THSD7A: variants seen among roughly 807,000 people sequenced by gnomAD.
THSD7A encodes the protein thrombospondin type 1 domain containing 7A.
A neutral mutation model predicts 231.3 loss-of-function variants in THSD7A; 96 were observed. The observed-to-expected ratio is 0.41, with a 90% CI of 0.35 to 0.49. The LOEUF (loss-of-function observed/expected upper bound fraction) is 0.49, where lower values mean the gene tolerates loss of function less well. THSD7A is among the 20% of genes least tolerant of loss of function. The pLI, the probability that THSD7A is intolerant of heterozygous loss-of-function variation, is 0.05. For missense variants in THSD7A, 2,290 were observed against 2,070.2 expected (o/e 1.11, Z -2.06); for synonymous variants, 940 against 743.3 (o/e 1.26, Z -4.30).
intron 14 of THSD7A, among the ~76,000 whole-genome samples, chr7:11,428,680 C>G (rs896555184): frequency 2.6e-5 from 4 of 152,082 alleles, no homozygotes; most frequent in Non-Finnish European, 5.9e-5. Context: ...AATACCTTGA[C>G]ATTATTTCAA....
intron 13 of THSD7A, among the ~76,000 whole-genome samples, chr7:11,435,902 G>A (rs1784619092): frequency 6.6e-6 from 1 of 151,774 alleles, no homozygotes; most frequent in African/African-American, 2.4e-5. Context: ...TGGAGTACTG[G>A]GCCCTTAACC....
chr7:11,759,790 C>G (rs992794998), intron 1 of THSD7A, among the ~76,000 whole-genome samples: 1 of 151,984 alleles, frequency 6.6e-6, no homozygotes, highest in Non-Finnish European at 1.5e-5. Flanking sequence ...TCTTTCATAA[C>G]AATAGTGAAC....
In THSD7A at chr7:11,519,592, T is replaced by G. The variant is rs184564069; in HGVS notation, c.1822+21827A>C. On this transcript the variant is annotated intron_variant, in intron 6 of 27. Coordinates refer to ENST00000423059, the MANE Select transcript of THSD7A (RefSeq NM_015204.3). ...CTTTTTACACTTTTAGCCATTTTGG[T>G]GTGTAGAGGTGTATCATTTTGGTTT... Among the ~76,000 whole-genome samples the G allele has an allele frequency of 6.9e-3, 1,052 of 152,276 alleles. 11 individuals carry two copies. Among genetic ancestry groups the G allele is most frequent in the African/African-American group, 0.024 (1,010 of 41,558 alleles).
chr7:11,501,193 C>T (rs544916972), intron 6 of THSD7A, among the ~76,000 whole-genome samples: 1 of 152,134 alleles, frequency 6.6e-6, no homozygotes, highest in Non-Finnish European at 1.5e-5. Context: ...GAGACTTCAA[C>T]ACTCCACTGA....
chr7:11,728,072 A>T (rs938185021), intron 1 of THSD7A, among the ~76,000 whole-genome samples: 3 of 152,026 alleles, frequency 2.0e-5, no homozygotes, highest in African/African-American at 7.2e-5. Flanking sequence ...ATCATCTGGT[A>T]GCTTGTAAAA....
intron 4 of THSD7A, among the ~76,000 whole-genome samples, chr7:11,584,093 G>C (rs1562743260): frequency 6.6e-6 from 1 of 151,868 alleles, no homozygotes; most frequent in Non-Finnish European, 1.5e-5. Context: ...GCTCCTTATT[G>C]GCTTCACTCC....
chr7:11,741,477 G>A (rs1285018665), intron 1 of THSD7A, among the ~76,000 whole-genome samples: 2 of 151,750 alleles, frequency 1.3e-5, no homozygotes, highest in African/African-American at 4.8e-5. Context: ...TGCTATATAT[G>A]CACTGAAAAA....
chr7:11,455,630 AATAG>A (rs1381419564), intron 11 of THSD7A, among the ~76,000 whole-genome samples: 1 of 152,054 alleles, frequency 6.6e-6, no homozygotes, highest in Non-Finnish European at 1.5e-5. Flanking sequence ...GTTCTAATAT[AATAG>A]ATCAGAAAAA....
At chr7:11,759,961 A>G (rs13243305) in intron 1 of THSD7A, among the ~76,000 whole-genome samples, 1 of 152,088 alleles carries the variant, frequency 6.6e-6, no homozygotes, top group African/African-American at 2.4e-5. Flanking sequence ...CATTGACTGT[A>G]TAAGGAATTG....
At chr7:11,725,282 T>G (rs770620427) in intron 1 of THSD7A, among the ~76,000 whole-genome samples, 24 of 152,090 alleles carry the variant, frequency 1.6e-4, no homozygotes, top group East Asian at 5.9e-4. Flanking sequence ...GGGATGTACT[T>G]TTATACTCTG....
At chr7:11,609,440 A>G (rs1780847799) in intron 2 of THSD7A, among the ~76,000 whole-genome samples, 1 of 152,174 alleles carries the variant, frequency 6.6e-6, no homozygotes, top group South Asian at 2.1e-4. Context: ...CTTTAACAGT[A>G]ATCTGTTTGA....
intron 9 of THSD7A, among the ~76,000 whole-genome samples, chr7:11,467,592 T>C (rs1248864787): frequency 6.6e-6 from 1 of 152,196 alleles, no homozygotes; most frequent in Non-Finnish European, 1.5e-5. Flanking sequence ...TAAGAAGTTT[T>C]TAAAAGTGCT....
At chr7:11,456,379 C>T (rs1314321320) in intron 11 of THSD7A, among the ~76,000 whole-genome samples, 2 of 151,926 alleles carry the variant, frequency 1.3e-5, no homozygotes, top group South Asian at 2.1e-4. Flanking sequence ...CTAACCTCCC[C>T]CAAAAAGAAT....
chr7:11,773,637 G>T (rs1783308842), intron 1 of THSD7A, among the ~76,000 whole-genome samples: 1 of 152,040 alleles, frequency 6.6e-6, no homozygotes, highest in African/African-American at 2.4e-5. Context: ...GAATACATAA[G>T]ACTTTGAATT....
chr7:11,448,238 T>A (rs1404255017), intron 11 of THSD7A, among the ~76,000 whole-genome samples: 1 of 152,148 alleles, frequency 6.6e-6, no homozygotes, highest in Non-Finnish European at 1.5e-5. Flanking sequence ...TGACTTAAAA[T>A]GAGAAATAAT....
At chr7:11,505,915 C>T (rs1231086637) in intron 6 of THSD7A, among the ~76,000 whole-genome samples, 3 of 152,176 alleles carry the variant, frequency 2.0e-5, no homozygotes, top group East Asian at 1.9e-4. Context: ...TCTGGACTTG[C>T]GGGATGGGGA....
intron 6 of THSD7A, among the ~76,000 whole-genome samples, chr7:11,534,459 A>T (rs570958125): frequency 6.6e-6 from 1 of 152,264 alleles, no homozygotes; most frequent in East Asian, 1.9e-4. Flanking sequence ...TCCATGTACC[A>T]ATGGGGTACC....
chr7:11,411,357 T>C lies in THSD7A; in HGVS notation c.3683-35A>G, dbSNP rs1783779798. Reference sequence around the variant, plus strand: ...AGGGAAGCCCATCAGAACAGAAGGCTAAGTAAGAAACAGATTTCAAATGAA... The same window carrying C: ...AGGGAAGCCCATCAGAACAGAAGGCCAAGTAAGAAACAGATTTCAAATGAA... On this transcript the variant is annotated intron_variant, in intron 18 of 27. Coordinates refer to ENST00000423059, the MANE Select transcript of THSD7A (RefSeq NM_015204.3). The surrounding 1 kb of genome is among the most constrained non-coding windows in gnomAD (Gnocchi z 4.1). 2 of 1,439,050 alleles carry C rather than the reference T, an allele frequency of 1.4e-6. No homozygotes were observed. Among genetic ancestry groups the C allele is most frequent in the East Asian group, 4.5e-5 (2 of 44,044 alleles). The allele number at this position is 1,439,050 out of a possible 1,614,324, so 89.1% of individuals were successfully genotyped here. A position where few individuals can be genotyped will look rare whatever the true frequency, so the allele number is the denominator to read the frequency against.
rs1256043350 is a variant in THSD7A, at chr7:11,670,215, G to A, written c.191-33254C>T. 3.3e-5 allele frequency among the ~76,000 whole-genome samples: 5 copies of A among 152,124 alleles called. No individual in the cohort carries two copies. The East Asian group carries it at 9.6e-4, about 29-fold the overall frequency. ...GGTATGGAGAGTGGGATATAAGATT[G>A]GAAACCTAGTTTTACACCAGATTCT... On this transcript the variant is annotated intron_variant, in intron 1 of 27. Coordinates refer to ENST00000423059, the MANE Select transcript of THSD7A (RefSeq NM_015204.3).
Sources: gnomAD v4.1 joint callset for allele counts (sites outside exome capture counted in the v4.1 genomes callset) on GRCh38, gnomAD v4.1.1 for gene constraint, Gnocchi (gnomAD v3.1) non-coding constraint, MANE v1.5 for transcripts, NCBI Gene and HGNC (gene_info 2026-07-23, HGNC 2026-07-21) for gene names.